The following METRNL variants were observed in gnomAD, a reference collection of about 807,000 sequenced individuals.
METRNL encodes meteorin like, glial cell differentiation regulator, also known as meteorin-like protein.
METRNL carries 9 observed loss-of-function variants against 17.4 expected under a neutral mutation model. That is an observed-to-expected ratio of 0.52 (90% confidence interval 0.31 to 0.90). The LOEUF is 0.90. METRNL is among the 40% of genes least tolerant of loss of function. The probability of loss-of-function intolerance (pLI) is 0.05; values close to 1 mark genes in which losing one functional copy is unlikely to be tolerated. For missense variants in METRNL, 408 were observed against 430.7 expected (o/e 0.95, Z 0.47); for synonymous variants, 215 against 199.3 (o/e 1.08, Z -0.66).
At chr17:83,080,319 C>G (rs2037968120) in intron 1 of METRNL, 1 of 150,766 alleles carries the variant, frequency 6.6e-6, no homozygotes, top group Non-Finnish European at 1.5e-5. Flanking sequence ...GTCCTCGGGC[C>G]CTTCCTGGCA....
At chr17:83,087,163 C>T (rs1046431501) in intron 2 of METRNL, among the ~76,000 whole-genome samples, 4 of 152,198 alleles carry the variant, frequency 2.6e-5, no homozygotes, top group Non-Finnish European at 4.4e-5. Flanking sequence ...CCCCAGTACA[C>T]GTCAGGCTGG....
chr17:83,085,972 TAAAC>T (rs919071584), intron 2 of METRNL, among the ~76,000 whole-genome samples: 18 of 152,298 alleles, frequency 1.2e-4, no homozygotes, highest in African/African-American at 2.4e-4. Context: ...GTGGGTACGA[TAAAC>T]AGACAGCTTC....
Position 83,091,547 on chromosome 17 carries a change from G to A in METRNL, c.557-1620G>A, listed in dbSNP as rs563326858. Among the ~76,000 whole-genome samples, 72 of 152,354 alleles carry A rather than the reference G, an allele frequency of 4.7e-4. 1 individual carries two copies. Among genetic ancestry groups the A allele is most frequent in the Non-Finnish European group, 3.1e-4 (21 of 68,024 alleles). On this transcript the variant is annotated intron_variant, in intron 2 of 3. Coordinates refer to ENST00000320095, the MANE Select transcript of METRNL (RefSeq NM_001004431.3). ...AGAAGGCCTCTGAGCAGCTGTCCCC[G>A]CCTTGGCCAAGGTGCCAGATATGTG...
In METRNL at chr17:83,080,000, C is replaced by A. The variant is rs1600481199; in HGVS notation, c.170+15C>A. The stretch of plus-strand genomic sequence containing the variant: ...TGGAAGGGGAGGTGAGTGTGCGCGG[C>A]GCGACCCCGGCCCGGCCCCCTCCCC... On this transcript the variant is annotated intron_variant, in intron 1 of 3. Coordinates refer to ENST00000320095, the MANE Select transcript of METRNL (RefSeq NM_001004431.3). 9.9e-7 allele frequency: 1 copy of A among 1,013,492 alleles called. No individual in the cohort carries two copies. Among genetic ancestry groups the A allele is most frequent in the African/African-American group, 1.7e-5 (1 of 57,468 alleles). The allele number at this position is 1,013,492 out of a possible 1,614,324, so 62.8% of individuals were successfully genotyped here.
chr17:83,092,283 C>T (rs1253290292), intron 2 of METRNL: 1 of 152,338 alleles, frequency 6.6e-6, no homozygotes, highest in Non-Finnish European at 1.5e-5. Flanking sequence ...GGGTGAGGCC[C>T]CACGCCGGTG....
In METRNL at chr17:83,094,748, T is replaced by A; in HGVS notation, c.*173T>A. 2.3e-6 allele frequency: 1 copy of A among 434,386 alleles called. No individual in the cohort carries two copies. The highest frequency in any genetic ancestry group is 3.9e-6 in the Non-Finnish European group (1 of 258,464). 26.9% of individuals were successfully genotyped at this position (434,386 alleles called of 1,614,324 possible). A position where few individuals can be genotyped will look rare whatever the true frequency, so the allele number is the denominator to read the frequency against. On this transcript the variant is annotated 3_prime_UTR_variant, in exon 4 of 4. Transcript: ENST00000320095. ...TCTCGCCACACTCAACCCCATGAGC[T>A]TCCAGCCAAGGATGCCCTGGCCGAT...
chr17:83,081,287 C>T (rs1333057877), intron 1 of METRNL, among the ~76,000 whole-genome samples: 1 of 152,160 alleles, frequency 6.6e-6, no homozygotes, highest in African/African-American at 2.4e-5. Flanking sequence ...GGCTCGCTGC[C>T]TCTGCCCGGC....
At position 83,094,261 on chromosome 17, in the gene METRNL, C is replaced by G. The variant is rs1350163370; in HGVS notation, c.622C>G (p.Arg208Gly). Residue 208 changes from arginine to glycine, a missense_variant, in exon 4 of 4, where the codon CGA becomes GGA. Arg to Gly is a moderately radical substitution (Grantham distance 125, BLOSUM62 -2). Coordinates refer to ENST00000320095, the MANE Select transcript of METRNL (RefSeq NM_001004431.3). ...LAVCTSDFAV[R>G]GSIQQVTHEP... Reference sequence around the variant, plus strand: ...CCATCTCCTTCCCCGCACAGCCGTTCGAGGCTCCATCCAGCAAGTTACCCA... The same window carrying G: ...CCATCTCCTTCCCCGCACAGCCGTTGGAGGCTCCATCCAGCAAGTTACCCA... 1 of 1,568,860 alleles carries G rather than the reference C, an allele frequency of 6.4e-7. No homozygotes were observed. Among genetic ancestry groups the G allele is most frequent in the Non-Finnish European group, 8.7e-7 (1 of 1,149,396 alleles).
chr17:83,087,776 CGAGCCTGAGGT>C (rs200659967), intron 2 of METRNL, among the ~76,000 whole-genome samples: 20,610 of 152,140 alleles, frequency 0.14, 1,730 homozygotes, highest in Middle Eastern at 0.2. Context: ...CCAGCCCCGC[CGAGCCTGAGGT>C]GAGCCTGAGC....
At chr17:83,083,128 G>A (rs925665851) in intron 1 of METRNL, among the ~76,000 whole-genome samples, 2 of 152,250 alleles carry the variant, frequency 1.3e-5, no homozygotes, top group Non-Finnish European at 2.9e-5. Context: ...CCCACCAGAT[G>A]CGGGTAGCAT....
chr17:83,089,603 C>T (rs146192083), intron 2 of METRNL, among the ~76,000 whole-genome samples: 2 of 152,112 alleles, frequency 1.3e-5, no homozygotes, highest in Non-Finnish European at 2.9e-5. Flanking sequence ...CAGCCCTCCC[C>T]CTCCGAGGAG....
At chr17:83,088,568 C>T (rs2038079249) in intron 2 of METRNL, among the ~76,000 whole-genome samples, 1 of 152,114 alleles carries the variant, frequency 6.6e-6, no homozygotes, top group Non-Finnish European at 1.5e-5. Flanking sequence ...GAGCAGGTGC[C>T]CAGGGCCGGG....
intron 3 of METRNL, among the ~76,000 whole-genome samples, chr17:83,093,793 C>CT (rs2038169483): frequency 6.6e-6 from 1 of 152,168 alleles, no homozygotes; most frequent in South Asian, 2.1e-4. Flanking sequence ...GGCCCCGGCT[C>CT]TGCACCCCAC....
At chr17:83,085,438 C>A in intron 2 of METRNL, 115 bp downstream of exon 2, 2 of 1,346,274 alleles carry the variant, frequency 1.5e-6, no homozygotes, top group East Asian at 2.4e-5. Context: ...GGTGAAAACC[C>A]TTCTGTGTCT....
rs552867410 is a variant in METRNL, at chr17:83,082,127, C to T, written c.170+2142C>T. On this transcript the variant is annotated intron_variant, in intron 1 of 3. Coordinates refer to ENST00000320095, the MANE Select transcript of METRNL (RefSeq NM_001004431.3). Reference sequence around the variant, plus strand: ...CGTGGGGGGAGGCGGGACCAGCGCCCCGTCTTTATCAGCCAGTGCTCATAA... The same window carrying T: ...CGTGGGGGGAGGCGGGACCAGCGCCTCGTCTTTATCAGCCAGTGCTCATAA... 2.7e-4 allele frequency: 262 copies of T among 985,412 alleles called. No individual in the cohort carries two copies. The African/African-American group carries it at 4.4e-3, about 17-fold the overall frequency. 61.0% of individuals were successfully genotyped at this position (985,412 alleles called of 1,614,324 possible).
Position 83,079,924 on chromosome 17 carries a change from G to T in METRNL, c.109G>T (p.Ala37Ser). Reference protein sequence around the residue: ...PPLPLLLLLLAGLLGGAGAQY... With the variant: ...PPLPLLLLLLSGLLGGAGAQY... ...GCTCCCGCTGCTGCTCCTGCTCCTG[G>T]CCGGGCTGCTGGGCGGCGCGGGCGC... The change falls in exon 1 of 4, where the codon GCC (alanine) becomes TCC (serine). Residue 37 changes from alanine (A) to serine (S), a missense_variant. Ala to Ser is a moderately conservative substitution (Grantham distance 99). Coordinates refer to ENST00000320095, the MANE Select transcript of METRNL (RefSeq NM_001004431.3). 9.9e-7 allele frequency: 1 copy of T among 1,006,050 alleles called. No homozygotes were observed. The allele number at this position is 1,006,050 out of a possible 1,614,324, so 62.3% of individuals were successfully genotyped here.
intron 1 of METRNL, chr17:83,084,241 A>G (rs2038022202): frequency 6.6e-6 from 1 of 152,216 alleles, no homozygotes; most frequent in Non-Finnish European, 1.5e-5. Context: ...CGGTCAAGTC[A>G]TTACTTTGAG....
At chr17:83,091,374 C>T (rs1382994652) in intron 2 of METRNL, among the ~76,000 whole-genome samples, 2 of 152,228 alleles carry the variant, frequency 1.3e-5, no homozygotes, top group African/African-American at 2.4e-5. Flanking sequence ...CCCTGCCTGG[C>T]GGAAAGTGCT....
intron 1 of METRNL, among the ~76,000 whole-genome samples, chr17:83,080,728 C>G (rs1156521181): frequency 6.6e-6 from 1 of 150,476 alleles, no homozygotes; most frequent in Non-Finnish European, 1.5e-5. Flanking sequence ...CGCGGCCGAA[C>G]CCGCCCTGCG....
Sources: gnomAD v4.1 joint callset for allele counts (sites outside exome capture counted in the v4.1 genomes callset) on GRCh38, gnomAD v4.1.1 for gene constraint, MANE v1.5 for transcripts, NCBI Gene and HGNC (gene_info 2026-07-23, HGNC 2026-07-21) for gene names.